Variants in MYO16 observed in about 807,000 individuals in gnomAD.
MYO16 encodes the protein unconventional myosin-XVI.
MYO16 carries 94 observed loss-of-function variants against 205.3 expected under a neutral mutation model. The ratio of observed to expected loss-of-function variants is 0.46; its 90% CI spans 0.39 to 0.54. The LOEUF (loss-of-function observed/expected upper bound fraction) is 0.54. Among genes scored for constraint, MYO16 ranks in the 20% least tolerant of loss-of-function variants. The probability of loss-of-function intolerance (pLI) is 0.00; values close to 1 mark genes in which losing one functional copy is unlikely to be tolerated. For missense variants in MYO16, 2,315 were observed against 2,387.5 expected, an observed-to-expected ratio of 0.97 and a Z score of 0.63; for synonymous variants, 988 against 954.0, an observed-to-expected ratio of 1.04 and a Z score of -0.66.
intron 27 of MYO16, among the ~76,000 whole-genome samples, chr13:109,079,266 A>G (rs1468458654): frequency 6.6e-6 from 1 of 151,986 alleles, no homozygotes; most frequent in Admixed American, 6.6e-5. Context: ...ATTGCCTCCT[A>G]TTGATTGTCC....
intron 20 of MYO16, among the ~76,000 whole-genome samples, chr13:108,982,967 T>A (rs1884498112): frequency 6.6e-6 from 1 of 152,136 alleles, no homozygotes; most frequent in African/African-American, 2.4e-5. Flanking sequence ...AAAATTGGAA[T>A]GATTTAGTGC....
the MYO16 span, among the ~76,000 whole-genome samples, chr13:108,555,854 C>G: frequency 6.6e-6 from 1 of 152,076 alleles, no homozygotes; most frequent in Non-Finnish European, 1.5e-5. Context: ...TGGTATTTGT[C>G]ATTTTGTTCC....
chr13:108,624,542 C>T (rs1879660540), intron 1 of MYO16, among the ~76,000 whole-genome samples: 1 of 152,114 alleles, frequency 6.6e-6, no homozygotes, highest in African/African-American at 2.4e-5. Flanking sequence ...AGGTCAAACA[C>T]CTGAAATGGA....
Position 108,629,770 on chromosome 13 carries a change from C to T in MYO16, c.-75C>T. The T allele has an allele frequency of 7.3e-7, 1 of 1,379,292 alleles. No homozygotes were observed. The highest frequency in any genetic ancestry group is 9.9e-7 in the Non-Finnish European group (1 of 1,009,108). The allele number at this position is 1,379,292 out of a possible 1,614,324, so 85.4% of individuals were successfully genotyped here. On this transcript the variant is annotated 5_prime_UTR_variant, in exon 1 of 35. Coordinates refer to ENST00000457511, the MANE Select transcript of MYO16 (RefSeq NM_001198950.3). ...ACCTGAGTAAGGGCTTTAAGTAATGCATTTCCTGGGAACGACAGTTGTGAC... is the reference window on the plus strand; with the variant it reads ...ACCTGAGTAAGGGCTTTAAGTAATGTATTTCCTGGGAACGACAGTTGTGAC...
intron 10 of MYO16, among the ~76,000 whole-genome samples, chr13:108,850,299 C>G (rs1181187469): frequency 6.6e-6 from 1 of 152,224 alleles, no homozygotes; most frequent in African/African-American, 2.4e-5. Flanking sequence ...CGCAAGACAA[C>G]ATGGTAAAGC....
the MYO16 span, among the ~76,000 whole-genome samples, chr13:108,528,801 C>CT: frequency 1.2e-3 from 181 of 146,774 alleles, no homozygotes; most frequent in African/African-American, 4.5e-3. Flanking sequence ...TCTTCTCTCT[C>CT]TTTTTTCTAA....
rs75420104 is a variant in MYO16 at position 108,855,475 on chromosome 13, C to T, written c.1281C>T (p.Asp427=). The change falls in exon 11 of 35, where the codon GAC becomes GAT. Residue 427 remains aspartate, a synonymous_variant. Coordinates refer to ENST00000457511, the MANE Select transcript of MYO16 (RefSeq NM_001198950.3). ...VKLMPPAPND[D]LATLSELNDG... is the part of the protein sequence containing the mutation. ...TAATGCCTCCTGCCCCAAACGATGA[C>T]CTGGCAACGCTCAGCGAGCTCAATG... 188 of 1,595,482 alleles carry T rather than the reference C, an allele frequency of 1.2e-4. 1 individual carries two copies. The East Asian group carries it at 4.2e-3, about 35-fold the overall frequency.
chr13:108,770,757 C>A (rs556389697), intron 4 of MYO16, among the ~76,000 whole-genome samples: 28 of 152,302 alleles, frequency 1.8e-4, no homozygotes, highest in Middle Eastern at 3.4e-3. Context: ...AAATAAGAAC[C>A]ATTTCCAATA....
At chr13:109,163,959 A>C (rs533611416) in intron 32 of MYO16, 1 of 152,374 alleles carries the variant, frequency 6.6e-6, no homozygotes, top group South Asian at 2.1e-4. Context: ...ACTTTAAGAC[A>C]GTCAGAATCA....
chr13:109,055,506 T>G lies in MYO16; in HGVS notation c.3246T>G (p.Ala1082=). The G allele has an allele frequency of 6.2e-7, 1 of 1,613,202 alleles. No individual in the cohort carries two copies. The highest frequency in any genetic ancestry group is 1.3e-5 in the African/African-American group (1 of 75,000). The change falls in exon 27 of 35, where the codon GCT becomes GCG. Residue 1082 remains alanine (A), a synonymous_variant. Coordinates refer to ENST00000457511, the MANE Select transcript of MYO16 (RefSeq NM_001198950.3). This position sits in a 1 kb window ranked among gnomAD's most constrained non-coding sequence, Gnocchi z 5.0. ...CTTTTGATAATTTTTACGTGTCTGCTCAGCTACAATATATTGGGGTCCTGG... is the reference window on the plus strand; with the variant it reads ...CTTTTGATAATTTTTACGTGTCTGCGCAGCTACAATATATTGGGGTCCTGG... ...PDTFDNFYVS[A]QLQYIGVLEM... is the part of the protein sequence containing the mutation.
chr13:109,155,218 C>A (rs554749097), intron 32 of MYO16, among the ~76,000 whole-genome samples: 1 of 152,182 alleles, frequency 6.6e-6, no homozygotes, highest in African/African-American at 2.4e-5. Context: ...CAAACCATCT[C>A]CTTCGACTTG....
chr13:108,747,760 A>T (rs1885111622), intron 4 of MYO16, among the ~76,000 whole-genome samples: 1 of 152,156 alleles, frequency 6.6e-6, no homozygotes, highest in African/African-American at 2.4e-5. Flanking sequence ...CATATATATG[A>T]TCCAACTCTA....
At chr13:108,607,162 A>C (rs1228531733) in intron 1 of MYO16, among the ~76,000 whole-genome samples, 1 of 152,132 alleles carries the variant, frequency 6.6e-6, no homozygotes, top group Admixed American at 6.5e-5. Context: ...CTTGTCTTGG[A>C]TAAGACTGTG....
In MYO16 at chr13:109,055,675, G is replaced by T; in HGVS notation, c.3335+80G>T. The T allele has an allele frequency of 3.9e-6, 5 of 1,290,364 alleles. No homozygotes were observed. The highest frequency in any genetic ancestry group is 1.3e-5 in the South Asian group (1 of 78,136). The allele number at this position is 1,290,364 out of a possible 1,614,324, so 79.9% of individuals were successfully genotyped here. ...CTGACACTGACACTATTGTAGCAAG[G>T]GTCTTCTGTTGTCTTTTTTGGCACT... is the stretch of plus-strand genomic sequence containing the variant. On this transcript the variant is annotated intron_variant, in intron 27 of 34. Transcript: ENST00000457511. This position sits in a 1 kb window ranked among gnomAD's most constrained non-coding sequence, Gnocchi z 5.0.
chr13:108,543,750 T>C, the MYO16 span, among the ~76,000 whole-genome samples: 1 of 148,436 alleles, frequency 6.7e-6, no homozygotes, highest in Non-Finnish European at 1.5e-5. Flanking sequence ...CTTTTTTTTT[T>C]TTTTTTTAAT....
chr13:108,570,620 A>G, the MYO16 span, among the ~76,000 whole-genome samples: 1 of 152,244 alleles, frequency 6.6e-6, no homozygotes, highest in Non-Finnish European at 1.5e-5. Flanking sequence ...AACATTTAAA[A>G]GTAGCGTTTC....
rs1240668882 is a variant in MYO16 at position 108,646,836 on chromosome 13, A to G, written c.28+16964A>G. On this transcript the variant is annotated intron_variant, in intron 1 of 34. Transcript: ENST00000457511. ...TCTCATTTTTACAGCTTTAAAATATATAATAGGATGAAACTTCTGCTTGTG... is the reference window on the plus strand; with the variant it reads ...TCTCATTTTTACAGCTTTAAAATATGTAATAGGATGAAACTTCTGCTTGTG... Among the ~76,000 whole-genome samples, 5 of 152,124 alleles carry G rather than the reference A, an allele frequency of 3.3e-5. No homozygotes were observed. In the East Asian group the frequency reaches 9.7e-4, roughly 29 times the overall value.
At position 108,813,954 on chromosome 13, in the gene MYO16, A is replaced by G. The variant is rs139051720; in HGVS notation, c.868-6383A>G. Among the ~76,000 whole-genome samples, 645 of 152,318 alleles carry G rather than the reference A, an allele frequency of 4.2e-3. 3 individuals are homozygous for G. Among genetic ancestry groups the G allele is most frequent in the Admixed American group, 8.1e-3 (124 of 15,300 alleles). On this transcript the variant is annotated intron_variant, in intron 7 of 34. Coordinates refer to ENST00000457511, the MANE Select transcript of MYO16 (RefSeq NM_001198950.3). The stretch of plus-strand genomic sequence containing the variant: ...CAGTGATTTCTAATTGGAAGCACAT[A>G]GGAAATATTGACTTTACGAAAAGAA...
chr13:108,742,150 G>A (rs1020770443), intron 4 of MYO16, among the ~76,000 whole-genome samples: 3 of 151,904 alleles, frequency 2.0e-5, no homozygotes, highest in Non-Finnish European at 2.9e-5. Context: ...ATGTCACCAC[G>A]CCCAGCTAGT....
Sources: allele counts gnomAD v4.1 joint callset (sites outside exome capture counted in the v4.1 genomes callset), GRCh38; gene constraint gnomAD v4.1.1; non-coding constraint Gnocchi (gnomAD v3.1); transcripts MANE v1.5; gene names NCBI Gene and HGNC (gene_info 2026-07-23, HGNC 2026-07-21).